The following CSMD1 variants were observed in gnomAD, a reference collection of about 807,000 sequenced individuals.
CSMD1 encodes the protein CUB and sushi domain-containing protein 1.
In CSMD1, 213 loss-of-function variants were observed where a neutral mutation model predicts 417.5. The ratio of observed to expected loss-of-function variants is 0.51; its 90% CI spans 0.46 to 0.57. The LOEUF (loss-of-function observed/expected upper bound fraction) is 0.57, where lower values mean the gene tolerates loss of function less well. CSMD1 is among the 20% of genes least tolerant of loss of function. The probability of loss-of-function intolerance (pLI) is 0.00; values close to 1 mark genes in which losing one functional copy is unlikely to be tolerated. For missense variants in CSMD1, 6,923 were observed against 4,529.7 expected (o/e 1.53, Z -15.17); for synonymous variants, 2,862 against 1,736.8 (o/e 1.65, Z -16.11).
At chr8:4,548,046 C>G (rs1278463167) in intron 2 of CSMD1, among the ~76,000 whole-genome samples, 1 of 152,010 alleles carries the variant, frequency 6.6e-6, no homozygotes, top group Non-Finnish European at 1.5e-5. Flanking sequence ...TACAGCCAAC[C>G]CTTGCAATAT....
At chr8:4,348,588 T>A (rs1219727301) in intron 3 of CSMD1, among the ~76,000 whole-genome samples, 3 of 118,026 alleles carry the variant, frequency 2.5e-5, no homozygotes, top group African/African-American at 9.7e-5. Context: ...TGTGTATGCA[T>A]GTGTGTGTGC....
intron 1 of CSMD1, among the ~76,000 whole-genome samples, chr8:4,773,631 T>C (rs1165202596): frequency 1.3e-5 from 2 of 152,196 alleles, no homozygotes; most frequent in Non-Finnish European, 2.9e-5. Context: ...CATCTCCTTT[T>C]GGGTTATTGA....
rs1801617953 is a variant in CSMD1 at position 2,938,101 on chromosome 8, T to C, written c.*484A>G. On this transcript the variant is annotated 3_prime_UTR_variant, in exon 70 of 70. Transcript: ENST00000635120. Reference sequence around the variant, plus strand: ...GAGCCTCTATCAGAAAGGTGTCTTCTTCCAGAAAGCTTTTTATTTTTTTCA... The same window carrying C: ...GAGCCTCTATCAGAAAGGTGTCTTCCTCCAGAAAGCTTTTTATTTTTTTCA... The C allele has an allele frequency of 6.5e-6, 1 of 152,904 alleles. No homozygotes were observed. The highest frequency in any genetic ancestry group is 2.4e-5 in the African/African-American group (1 of 41,486). The allele number at this position is 152,904 out of a possible 1,614,324, so 9.5% of individuals were successfully genotyped here.
intron 2 of CSMD1, among the ~76,000 whole-genome samples, chr8:4,431,779 AG>A (rs1204255782): frequency 6.6e-6 from 1 of 152,216 alleles, no homozygotes; most frequent in African/African-American, 2.4e-5. Context: ...GGCATGTATT[AG>A]AAATGTAGCA....
chr8:3,295,456 A>C (rs914221166), intron 25 of CSMD1, among the ~76,000 whole-genome samples: 1 of 152,206 alleles, frequency 6.6e-6, no homozygotes, highest in East Asian at 1.9e-4. Context: ...TATGGGAGAG[A>C]CCGTTATACT....
At chr8:4,944,167 G>GA (rs1563831429) in intron 1 of CSMD1, among the ~76,000 whole-genome samples, 4 of 152,184 alleles carry the variant, frequency 2.6e-5, no homozygotes, top group South Asian at 2.1e-4. Context: ...TCATGAAAGA[G>GA]AAAAAATCCA....
At chr8:3,361,080 T>A (rs567009559) in intron 20 of CSMD1, among the ~76,000 whole-genome samples, 2 of 152,194 alleles carry the variant, frequency 1.3e-5, no homozygotes, top group African/African-American at 4.8e-5. Context: ...ATTGATAACC[T>A]TGAGATATAC....
At chr8:3,316,069 A>G (rs2117447870) in intron 23 of CSMD1, among the ~76,000 whole-genome samples, 1 of 152,176 alleles carries the variant, frequency 6.6e-6, no homozygotes, top group South Asian at 2.1e-4. Context: ...GATATTTAAA[A>G]CTCAGAGTGG....
chr8:3,318,972 A>C (rs1189312711), intron 23 of CSMD1, among the ~76,000 whole-genome samples: 1 of 152,216 alleles, frequency 6.6e-6, no homozygotes, highest in Non-Finnish European at 1.5e-5. Flanking sequence ...ATGTGCATTT[A>C]TACAAAGGGA....
chr8:3,269,626 T>C (rs1305017153), intron 26 of CSMD1, among the ~76,000 whole-genome samples: 3 of 152,220 alleles, frequency 2.0e-5, no homozygotes, highest in Admixed American at 6.5e-5. Context: ...CAGAGCCATT[T>C]TTCCCTGGGA....
At chr8:4,603,572 G>A (rs955066508) in intron 2 of CSMD1, among the ~76,000 whole-genome samples, 9 of 152,080 alleles carry the variant, frequency 5.9e-5, no homozygotes, top group Non-Finnish European at 1.0e-4. Context: ...GTGACCTCAT[G>A]ATTTCATTTA....
At chr8:3,620,881 TC>T (rs1422082831) in intron 7 of CSMD1, among the ~76,000 whole-genome samples, 1 of 152,122 alleles carries the variant, frequency 6.6e-6, no homozygotes, top group Non-Finnish European at 1.5e-5. Context: ...ATGTCCCTCC[TC>T]CCCGCAAAGG....
intron 3 of CSMD1, among the ~76,000 whole-genome samples, chr8:4,262,331 T>C (rs1316385844): frequency 6.6e-6 from 1 of 152,172 alleles, no homozygotes; most frequent in Non-Finnish European, 1.5e-5. Context: ...TGCCTCTTTT[T>C]TTCATTTCTG....
intron 26 of CSMD1, among the ~76,000 whole-genome samples, chr8:3,240,579 G>C (rs1292649443): frequency 6.6e-6 from 1 of 152,106 alleles, no homozygotes; most frequent in Non-Finnish European, 1.5e-5. Context: ...TGTCTGTGAA[G>C]CTTTGCGGCA....
chr8:4,820,786 T>C (rs533357132), intron 1 of CSMD1, among the ~76,000 whole-genome samples: 78 of 152,246 alleles, frequency 5.1e-4, no homozygotes, highest in African/African-American at 1.7e-3. Flanking sequence ...CTTATTAATA[T>C]GAAACAAGAC....
intron 3 of CSMD1, among the ~76,000 whole-genome samples, chr8:4,099,637 T>G (rs1173785197): frequency 6.6e-6 from 1 of 152,170 alleles, no homozygotes; most frequent in Non-Finnish European, 1.5e-5. Flanking sequence ...CTCACTTTCT[T>G]GGGTTCAGAA....
At position 4,729,910 on chromosome 8, in the gene CSMD1, T is replaced by G. The variant is rs73659201; in HGVS notation, c.86-92352A>C. On this transcript the variant is annotated intron_variant, in intron 1 of 69. Coordinates refer to ENST00000635120, the MANE Select transcript of CSMD1 (RefSeq NM_033225.6). The stretch of plus-strand genomic sequence containing the variant: ...ACCTCATCTGAAACTTCAGCGGGAG[T>G]TTTGATTTTCATCCTTTCCATGGAA... Among the ~76,000 whole-genome samples the G allele has an allele frequency of 8.5e-3, 1,292 of 152,108 alleles. 28 individuals carry two copies. Among genetic ancestry groups the G allele is most frequent in the East Asian group, 0.081 (416 of 5,164 alleles).
chr8:2,992,619 G>C (rs1011992468), intron 54 of CSMD1, among the ~76,000 whole-genome samples: 1 of 150,804 alleles, frequency 6.6e-6, no homozygotes, highest in Non-Finnish European at 1.5e-5. Flanking sequence ...AGAGAGGGGG[G>C]TTTCACCATG....
intron 2 of CSMD1, among the ~76,000 whole-genome samples, chr8:4,563,995 A>G (rs535415918): frequency 1.3e-5 from 2 of 152,352 alleles, no homozygotes; most frequent in Admixed American, 1.3e-4. Context: ...GATTCCCAGG[A>G]AAATGAGGAG....
Sources: gnomAD v4.1 joint callset for allele counts (sites outside exome capture counted in the v4.1 genomes callset) on GRCh38, gnomAD v4.1.1 for gene constraint, MANE v1.5 for transcripts, NCBI Gene and HGNC (gene_info 2026-07-23, HGNC 2026-07-21) for gene names.